WWOX: variants seen among roughly 807,000 people sequenced by gnomAD.
WWOX encodes the protein WW domain containing oxidoreductase.
A neutral mutation model predicts 46.2 loss-of-function variants in WWOX; 69 were observed. The observed-to-expected ratio is 1.49, with a 90% confidence interval of 1.23 to 1.82. The LOEUF is 1.82. Ranked by LOEUF, WWOX falls within the 40% of genes most tolerant of loss-of-function variation. WWOX has a pLI of 0.00. For missense variants in WWOX, 919 were observed against 542.6 expected (o/e 1.69, Z -6.89); for synonymous variants, 359 against 202.6 (o/e 1.77, Z -6.56).
chr16:78,367,452 T>C (rs1258459335), intron 5 of WWOX, among the ~76,000 whole-genome samples: 1 of 152,100 alleles, frequency 6.6e-6, no homozygotes, highest in African/African-American at 2.4e-5. Context: ...AGGGTTAGTG[T>C]ATTAATATTT....
Position 78,963,092 on chromosome 16 carries a change from A to G in WWOX, c.1057-248516A>G, listed in dbSNP as rs117128746. ...CTCTGATATGCACCACCTAGATTCT[A>G]CAATTAACATTTCCCTCTATTTGCA... On this transcript the variant is annotated intron_variant, in intron 8 of 8. Transcript: ENST00000566780. Among the ~76,000 whole-genome samples, 532 of 152,328 alleles carry G rather than the reference A, an allele frequency of 3.5e-3. 3 individuals are homozygous for G. The highest frequency in any genetic ancestry group is 5.9e-3 in the Non-Finnish European group (402 of 68,036).
chr16:79,059,887 G>T (rs569049930), intron 8 of WWOX, among the ~76,000 whole-genome samples: 1 of 152,204 alleles, frequency 6.6e-6, no homozygotes, highest in South Asian at 2.1e-4. Context: ...TTAACAACTT[G>T]AGTAATTTAT....
At chr16:78,363,527 G>A (rs571196211) in intron 5 of WWOX, among the ~76,000 whole-genome samples, 1 of 152,054 alleles carries the variant, frequency 6.6e-6, no homozygotes, top group Non-Finnish European at 1.5e-5. Flanking sequence ...GATCTTCCCA[G>A]CTTGGCCTCC....
intron 8 of WWOX, among the ~76,000 whole-genome samples, chr16:79,127,461 G>A (rs935583833): frequency 6.6e-6 from 1 of 152,096 alleles, no homozygotes; most frequent in Non-Finnish European, 1.5e-5. Flanking sequence ...TTTAACAACT[G>A]CTGAGTATTA....
chr16:79,211,032 G>GTGTGT (rs755105354), intron 8 of WWOX, among the ~76,000 whole-genome samples: 3 of 30,458 alleles, frequency 9.8e-5, no homozygotes, highest in East Asian at 5.8e-4. Context: ...TGTATGGTGA[G>GTGTGT]GAGTGTGTGT....
intron 8 of WWOX, among the ~76,000 whole-genome samples, chr16:78,805,577 C>G (rs545745995): frequency 2.8e-4 from 43 of 152,254 alleles, no homozygotes; most frequent in African/African-American, 1.0e-3. Flanking sequence ...GCTGACGCTC[C>G]CGGCCTACAG....
intron 8 of WWOX, among the ~76,000 whole-genome samples, chr16:79,147,182 C>A (rs112297997): frequency 1.3e-5 from 2 of 152,136 alleles, no homozygotes; most frequent in African/African-American, 2.4e-5. Flanking sequence ...ACAACTACAT[C>A]AAGACAGTGA....
At chr16:78,506,657 G>A (rs1393433585) in intron 8 of WWOX, 1 of 147,260 alleles carries the variant, frequency 6.8e-6, no homozygotes, top group African/African-American at 2.6e-5. Flanking sequence ...TGCTATACTT[G>A]AGTTCTTTTC....
intron 8 of WWOX, among the ~76,000 whole-genome samples, chr16:78,948,067 C>G (rs569782760): frequency 6.6e-5 from 10 of 152,188 alleles, no homozygotes; most frequent in African/African-American, 1.9e-4. Context: ...CAGCCTGTGC[C>G]GTCAGAGAGA....
At chr16:79,171,098 G>A (rs1349480887) in intron 8 of WWOX, among the ~76,000 whole-genome samples, 1 of 152,182 alleles carries the variant, frequency 6.6e-6, no homozygotes, top group African/African-American at 2.4e-5. Flanking sequence ...CTGACCCAGT[G>A]CTAGGCACGT....
chr16:78,689,089 G>A (rs1470783036), intron 8 of WWOX, among the ~76,000 whole-genome samples: 1 of 152,098 alleles, frequency 6.6e-6, no homozygotes, highest in Non-Finnish European at 1.5e-5. Flanking sequence ...GTCTTTATTA[G>A]TGGCATGAGA....
At chr16:78,430,872 C>A (rs963097745) in intron 7 of WWOX, among the ~76,000 whole-genome samples, 2 of 152,130 alleles carry the variant, frequency 1.3e-5, no homozygotes, top group Non-Finnish European at 2.9e-5. Context: ...CCTTGCCATG[C>A]TTTTCTTGGT....
At chr16:79,167,566 C>G (rs181678600) in intron 8 of WWOX, among the ~76,000 whole-genome samples, 3 of 152,106 alleles carry the variant, frequency 2.0e-5, no homozygotes, top group Non-Finnish European at 4.4e-5. Flanking sequence ...ATGGCCTCCA[C>G]GCATCGTAAT....
At chr16:78,352,046 C>T (rs72794054) in intron 5 of WWOX, among the ~76,000 whole-genome samples, 4,988 of 152,214 alleles carry the variant, frequency 0.033, 131 homozygotes, top group Non-Finnish European at 0.05. Context: ...TTGGAGTCAG[C>T]GAGACAGTAG....
chr16:78,841,012 A>C (rs894798513), intron 8 of WWOX, among the ~76,000 whole-genome samples: 1 of 152,096 alleles, frequency 6.6e-6, no homozygotes, highest in African/African-American at 2.4e-5. Flanking sequence ...CCACGGGTCC[A>C]TCCTGTGATG....
chr16:78,616,373 A>T (rs1377304204), intron 8 of WWOX, among the ~76,000 whole-genome samples: 4 of 152,134 alleles, frequency 2.6e-5, no homozygotes, highest in Non-Finnish European at 4.4e-5. Flanking sequence ...GCACTGGCAG[A>T]TTCAGTGTCC....
intron 8 of WWOX, among the ~76,000 whole-genome samples, chr16:79,035,748 A>G (rs1413333183): frequency 1.3e-5 from 2 of 151,740 alleles, no homozygotes; most frequent in African/African-American, 4.8e-5. Flanking sequence ...CATGTTGGCC[A>G]GGCTGGTGTC....
chr16:78,625,191 A>G (rs1301090620), intron 8 of WWOX, among the ~76,000 whole-genome samples: 2 of 152,204 alleles, frequency 1.3e-5, no homozygotes, highest in African/African-American at 4.8e-5. Flanking sequence ...ACTCAGCTTC[A>G]TGAGGACAGC....
chr16:79,050,880 A>G (rs911736657), intron 8 of WWOX, among the ~76,000 whole-genome samples: 1 of 152,194 alleles, frequency 6.6e-6, no homozygotes, highest in African/African-American at 2.4e-5. Flanking sequence ...GCTGACAGTT[A>G]TCCTCTGCAT....
Sources: gnomAD v4.1 joint callset for allele counts (sites outside exome capture counted in the v4.1 genomes callset) on GRCh38, gnomAD v4.1.1 for gene constraint, MANE v1.5 for transcripts, NCBI Gene and HGNC (gene_info 2026-07-23, HGNC 2026-07-21) for gene names.